Variants in HAUS6 observed in about 807,000 individuals in gnomAD.
The protein encoded by HAUS6 is HAUS augmin like complex subunit 6.
HAUS6 carries 80 observed loss-of-function variants against 106.8 expected under a neutral mutation model. The ratio of observed to expected loss-of-function variants is 0.75; its 90% CI spans 0.63 to 0.90. The LOEUF (loss-of-function observed/expected upper bound fraction) is 0.90. HAUS6 is among the 40% of genes least tolerant of loss of function. HAUS6 has a pLI of 0.00. For synonymous variants in HAUS6, 356 were observed against 379.1 expected (o/e 0.94, Z 0.71); for missense variants, 1,155 against 1,118.1 (o/e 1.03, Z -0.47).
chr9:19,069,913 C>T (rs10811110), intron 12 of HAUS6, among the ~76,000 whole-genome samples: 48,102 of 151,858 alleles, frequency 0.32, 9,125 homozygotes, highest in African/African-American at 0.54. Context: ...CTCTGCAACC[C>T]AGAAAGACCA....
chr9:19,081,612 G>T (rs1255988844), intron 8 of HAUS6, among the ~76,000 whole-genome samples: 1 of 151,902 alleles, frequency 6.6e-6, no homozygotes, highest in Non-Finnish European at 1.5e-5. Context: ...GCTAATTTTT[G>T]TATTTTTAGT....
intron 9 of HAUS6, 129 bp downstream of exon 9, chr9:19,080,350 T>C (rs1837113486): frequency 1.6e-6 from 1 of 634,742 alleles, no homozygotes; most frequent in South Asian, 1.9e-5. Context: ...GTTGATTATG[T>C]AAGATTTTTG....
At chr9:19,081,901 C>T (rs537792939) in intron 8 of HAUS6, among the ~76,000 whole-genome samples, 1 of 141,840 alleles carries the variant, frequency 7.1e-6, no homozygotes, top group South Asian at 2.2e-4. Flanking sequence ...CCCGTCTCTA[C>T]TAAAGAAGTG....
At position 19,063,272 on chromosome 9, in the gene HAUS6, G is replaced by A. The variant is rs890811230; in HGVS notation, c.1444-79C>T. 5 of 916,230 alleles carry A rather than the reference G, an allele frequency of 5.5e-6. No individual in the cohort carries two copies. In the African/African-American group the frequency reaches 6.6e-5, roughly 12 times the overall value. 56.8% of individuals were successfully genotyped at this position (916,230 alleles called of 1,614,324 possible). ...AAGCTGTCTTCATTAGCAGTTCACTGGTTATCATGAACCTATAAAAGGTTG... is the reference window on the plus strand; with the variant it reads ...AAGCTGTCTTCATTAGCAGTTCACTAGTTATCATGAACCTATAAAAGGTTG... On this transcript the variant is annotated intron_variant, in intron 13 of 16. Transcript: ENST00000380502.
intron 16 of HAUS6, 47 bp downstream of exon 16, chr9:19,057,914 G>C: frequency 1.8e-6 from 2 of 1,139,076 alleles, no homozygotes; most frequent in African/African-American, 3.1e-5. Context: ...CAAAAGTTGA[G>C]AGAAAACTTC....
chr9:19,075,690 A>G (rs555547423), intron 11 of HAUS6, among the ~76,000 whole-genome samples: 1 of 152,240 alleles, frequency 6.6e-6, no homozygotes, highest in Non-Finnish European at 1.5e-5. Context: ...ACAGTGGCTC[A>G]CACCTATAAT....
At position 19,096,623 on chromosome 9, in the gene HAUS6, C is replaced by G. The variant is rs113346594; in HGVS notation, c.224+51G>C. ...TTCTGGCTTGTATCAAAACGCTGTC[C>G]ATTTTCAAATTTGGAAAGAAATTTA... On this transcript the variant is annotated intron_variant, in intron 2 of 16. Coordinates refer to ENST00000380502, the MANE Select transcript of HAUS6 (RefSeq NM_017645.5). 204 of 728,886 alleles carry G rather than the reference C, an allele frequency of 2.8e-4. 1 individual carries two copies. The African/African-American group carries it at 3.4e-3, about 12-fold the overall frequency. 45.2% of individuals were successfully genotyped at this position (728,886 alleles called of 1,614,324 possible). A position where few individuals can be genotyped will look rare whatever the true frequency, so the allele number is the denominator to read the frequency against.
intron 4 of HAUS6, chr9:19,089,778 A>T: frequency 1.9e-6 from 1 of 521,558 alleles, no homozygotes; most frequent in Non-Finnish European, 3.4e-6. Flanking sequence ...GTAACTAACA[A>T]CTCCCCAAAA....
chr9:19,063,326 T>A (rs768400797), intron 13 of HAUS6, 133 bp from the exon 14 acceptor site: 9 of 691,760 alleles, frequency 1.3e-5, no homozygotes, highest in Non-Finnish European at 1.9e-5. Flanking sequence ...TGTATGTCAC[T>A]GGCAGAATTA....
chr9:19,082,963 A>G lies in HAUS6; in HGVS notation c.780T>C (p.Ser260=). The G allele has an allele frequency of 6.4e-7, 1 of 1,568,682 alleles. No individual in the cohort carries two copies. Among genetic ancestry groups the G allele is most frequent in the Non-Finnish European group, 8.7e-7 (1 of 1,146,018 alleles). ...CATCTAAAGCATATTGGTTAACAAG[A>G]CTAAGGACCGAACTAACAACTTCTC... The part of the protein sequence containing the change: ...KEREVVSSVL[S]LVNQYALDGT... The change falls in exon 8 of 17, where the codon AGT becomes AGC. Residue 260 remains serine, a synonymous_variant. Transcript: ENST00000380502.
At chr9:19,057,320 T>C (rs934073595) in intron 16 of HAUS6, 2 of 152,234 alleles carry the variant, frequency 1.3e-5, no homozygotes, top group African/African-American at 4.8e-5. Flanking sequence ...CATGTGACAA[T>C]GGAGGCAAAG....
At chr9:19,081,290 G>A (rs1290349828) in intron 8 of HAUS6, among the ~76,000 whole-genome samples, 1 of 152,044 alleles carries the variant, frequency 6.6e-6, no homozygotes, top group African/African-American at 2.4e-5. Flanking sequence ...AGAAACAGCA[G>A]GTTTAGTGAA....
chr9:19,099,998 G>A (rs186524768), intron 1 of HAUS6, among the ~76,000 whole-genome samples: 9 of 152,254 alleles, frequency 5.9e-5, no homozygotes, highest in East Asian at 5.8e-4. Context: ...TTAAGATTCC[G>A]CCTGGCTAAG....
chr9:19,101,272 G>C (rs1817981224), intron 1 of HAUS6, among the ~76,000 whole-genome samples: 1 of 152,196 alleles, frequency 6.6e-6, no homozygotes. Context: ...TGTAATCCCA[G>C]CACTTGGAGT....
intron 16 of HAUS6, chr9:19,057,714 C>T (rs573484823): frequency 3.1e-5 from 13 of 422,538 alleles, no homozygotes; most frequent in South Asian, 2.7e-4. Flanking sequence ...TATTATAAAA[C>T]CTGTAAGCTT....
intron 1 of HAUS6, among the ~76,000 whole-genome samples, chr9:19,098,835 C>G (rs1488530113): frequency 6.6e-6 from 1 of 151,918 alleles, no homozygotes; most frequent in Non-Finnish European, 1.5e-5. Context: ...CCAGCCTGAC[C>G]AACATGGAGA....
At position 19,092,049 on chromosome 9, in the gene HAUS6, A is replaced by T. The variant is rs762874836; in HGVS notation, c.436+1122T>A. Among the ~76,000 whole-genome samples the T allele has an allele frequency of 5.9e-5, 9 of 152,254 alleles. No homozygotes were observed. In the South Asian group the frequency reaches 8.3e-4, roughly 14 times the overall value. On this transcript the variant is annotated intron_variant, in intron 4 of 16. Coordinates refer to ENST00000380502, the MANE Select transcript of HAUS6 (RefSeq NM_017645.5). Reference sequence around the variant, plus strand: ...ACTAATAAAAGAAATACAAATTAAAACTATACTGAGATTCCACTGGAACCT... The same window carrying T: ...ACTAATAAAAGAAATACAAATTAAATCTATACTGAGATTCCACTGGAACCT...
chr9:19,074,701 T>C (rs1013042971), intron 11 of HAUS6, among the ~76,000 whole-genome samples: 2 of 152,188 alleles, frequency 1.3e-5, no homozygotes, highest in Non-Finnish European at 2.9e-5. Flanking sequence ...CCTATCCCAG[T>C]GATTAAGTCC....
rs189673127 is a variant in HAUS6, at chr9:19,058,458, T to C, written c.2309A>G (p.Asp770Gly). The change falls in exon 16 of 17, where the codon GAT (aspartate) becomes GGT (glycine). Residue 770 changes from aspartate to glycine, a missense_variant. By Grantham distance (94) the Asp-to-Gly change is moderately conservative. This residue lies in a region of HAUS6 where 380 missense variants were observed against 394.8 expected (regional missense o/e 0.96). Transcript: ENST00000380502. ...TTCGTGTAATATGCCAAAATCATTA[T>C]CTTTAAAACTCTTAGAACTAATTCC... ...SSGISSKSFK[D>G]NDFGILHETL... 855 of 1,595,332 alleles carry C rather than the reference T, an allele frequency of 5.4e-4. 9 individuals are homozygous for C. Among genetic ancestry groups the C allele is most frequent in the Non-Finnish European group, 5.3e-5 (62 of 1,166,360 alleles).
Sources: allele counts gnomAD v4.1 joint callset (sites outside exome capture counted in the v4.1 genomes callset), GRCh38; gene constraint gnomAD v4.1.1; regional missense constraint gnomAD v4.1.1; transcripts MANE v1.5; gene names NCBI Gene and HGNC (gene_info 2026-07-23, HGNC 2026-07-21).